The following RPL7 variants were observed in gnomAD, a reference collection of about 807,000 sequenced individuals.
RPL7 encodes large ribosomal subunit protein uL30.
For synonymous variants in RPL7, 100 were observed against 102.2 expected (o/e 0.98, Z 0.13); for missense variants, 205 against 301.9 (o/e 0.68, Z 2.38).
intron 2 of RPL7, 118 bp from the exon 3 acceptor site, chr8:73,292,523 AT>A: frequency 9.0e-7 from 1 of 1,115,666 alleles, no homozygotes; most frequent in Non-Finnish European, 1.3e-6. Context: ...ACAGTATGCA[AT>A]TACATCCCCC....
chr8:73,293,623 G>C lies in RPL7; in HGVS notation c.-11C>G, dbSNP rs370333348. ...CTCTACACCCTCCATGGTTCCAGCC[G>C]GAAAAAGAGGAAGTTGGCGCATGCG... On this transcript the variant is annotated 5_prime_UTR_variant, in exon 1 of 7. Coordinates refer to ENST00000352983, the MANE Select transcript of RPL7 (RefSeq NM_000971.4). The C allele has an allele frequency of 3.1e-6, 5 of 1,613,492 alleles. No individual in the cohort carries two copies. Among genetic ancestry groups the C allele is most frequent in the Non-Finnish European group, 4.2e-6 (5 of 1,179,748 alleles).
At chr8:73,290,910 T>C (rs995420402) in intron 6 of RPL7, 133 bp downstream of exon 6, 3 of 689,220 alleles carry the variant, frequency 4.4e-6, no homozygotes, top group Non-Finnish European at 7.5e-6. Context: ...ATTAAGATAG[T>C]TGACCCCCAC....
intron 1 of RPL7, 103 bp downstream of exon 1, chr8:73,293,496 T>C (rs111657422): frequency 0.032 from 44,546 of 1,407,520 alleles, 846 homozygotes; most frequent in Non-Finnish European, 0.038. Flanking sequence ...AGCAGGGAGG[T>C]GGGCAAAGGT....
chr8:73,291,689 G>A (rs1339490276), intron 4 of RPL7, 28 bp from the exon 5 acceptor site: 10 of 1,588,678 alleles, frequency 6.3e-6, no homozygotes, highest in Admixed American at 5.1e-5. Context: ...ACATAAATAA[G>A]GTGACCACTG....
In RPL7 at chr8:73,292,278, G is replaced by A. The variant is rs753021081; in HGVS notation, c.251C>T (p.Pro84Leu). 24 of 1,613,088 alleles carry A rather than the reference G, an allele frequency of 1.5e-5. No individual in the cohort carries two copies. The South Asian group carries it at 2.3e-4, about 15-fold the overall frequency. ...MARKAGNFYVPAEPKLAFVIR... is the reference protein window; with the variant it reads ...MARKAGNFYVLAEPKLAFVIR... ...GACAAACGCCAATTTGGGTTCTGCAGGTACATAGAAGTTGCCAGCTTTTCT... is the reference window on the plus strand; with the variant it reads ...GACAAACGCCAATTTGGGTTCTGCAAGTACATAGAAGTTGCCAGCTTTTCT... Residue 84 changes from proline (P) to leucine (L), a missense_variant, in exon 3 of 7, where the codon CCT becomes CTT. Physicochemically the swap from Pro to Leu is moderately conservative, Grantham distance 98. Coordinates refer to ENST00000352983, the MANE Select transcript of RPL7 (RefSeq NM_000971.4).
upstream of RPL7, chr8:73,294,463 G>C (rs1038535128): frequency 2.6e-5 from 4 of 154,024 alleles, no homozygotes; most frequent in East Asian, 1.9e-4. Context: ...CTCCGCGGAC[G>C]GCTGGCGGGC....
At chr8:73,292,042 G>C in intron 3 of RPL7, 132 bp from the exon 4 acceptor site, 1 of 1,296,914 alleles carries the variant, frequency 7.7e-7, no homozygotes, top group South Asian at 1.4e-5. Flanking sequence ...CTGAATTTCT[G>C]TATTCTATTA....
Position 73,291,116 on chromosome 8 carries a change from G to A in RPL7, c.675C>T (p.Thr225=), listed in dbSNP as rs768915707. Residue 225 remains threonine (T), a synonymous_variant, in exon 6 of 7, where the codon ACC becomes ACT. Coordinates refer to ENST00000352983, the MANE Select transcript of RPL7 (RefSeq NM_000971.4). ...CAGCATCTCCACCTTCTACAAAATGGGTGGTCTTTTTCTTCATTCCACCTC... is the reference window on the plus strand; with the variant it reads ...CAGCATCTCCACCTTCTACAAAATGAGTGGTCTTTTTCTTCATTCCACCTC... The part of the protein sequence containing the change: ...SPRGGMKKKT[T]HFVEGGDAGN... 1.9e-6 allele frequency: 3 copies of A among 1,608,128 alleles called. No individual in the cohort carries two copies. The highest frequency in any genetic ancestry group is 1.7e-5 in the Admixed American group (1 of 59,942).
At chr8:73,293,818 C>T, upstream of RPL7, 1 of 596,042 alleles carries the variant, frequency 1.7e-6, no homozygotes. Flanking sequence ...AAAATATATG[C>T]ATTTGATTAG....
At chr8:73,291,723 G>C in intron 4 of RPL7, 50 bp downstream of exon 4, 1 of 1,590,530 alleles carries the variant, frequency 6.3e-7, no homozygotes, top group Non-Finnish European at 8.6e-7. Flanking sequence ...AATTCATGTT[G>C]CTACATAACC....
upstream of RPL7, chr8:73,293,639 G>A (rs372356152): frequency 1.7e-5 from 28 of 1,613,348 alleles, no homozygotes; most frequent in Admixed American, 2.2e-4. Context: ...AGAGGAAGTT[G>A]GCGCATGCGT....
intron 1 of RPL7, 184 bp downstream of exon 1, chr8:73,293,415 C>T: frequency 1.5e-6 from 1 of 654,570 alleles, no homozygotes; most frequent in South Asian, 1.9e-5. Flanking sequence ...TCCAAAACCT[C>T]CGTCCTAAGA....
chr8:73,293,133 C>T, intron 1 of RPL7: 2 of 263,736 alleles, frequency 7.6e-6, no homozygotes, highest in Non-Finnish European at 7.1e-6. Context: ...AGCTGAAAGA[C>T]TACTGCAAGG....
At chr8:73,293,811 A>G (rs1814176001), upstream of RPL7, 1 of 615,854 alleles carries the variant, frequency 1.6e-6, no homozygotes, top group South Asian at 1.9e-5. Flanking sequence ...TTTGAAGAAA[A>G]TATATGCATT....
At position 73,292,774 on chromosome 8, in the gene RPL7, G is replaced by A. The variant is rs903389745; in HGVS notation, c.38C>T (p.Ala13Val). 1.9e-6 allele frequency: 3 copies of A among 1,611,882 alleles called. No homozygotes were observed. Among genetic ancestry groups the A allele is most frequent in the Non-Finnish European group, 8.5e-7 (1 of 1,179,212 alleles). Residue 13 changes from alanine (A) to valine (V), a missense_variant, in exon 2 of 7, where the codon GCT becomes GTT. Transcript: ENST00000352983. ...GVEEKKKEVP[A>V]VPETLKKKRR... ...CTTTTTCTTAAGGGTTTCTGGCACA[G>A]CAGGAACCTCCTTCTTCTTCTCTCT...
chr8:73,292,916 C>T (rs966238234), intron 1 of RPL7, 119 bp from the exon 2 acceptor site: 2 of 678,210 alleles, frequency 2.9e-6, no homozygotes, highest in Non-Finnish European at 5.0e-6. Flanking sequence ...TCACTAGTAA[C>T]TTTACTTGCT....
intron 3 of RPL7, 148 bp from the exon 4 acceptor site, chr8:73,292,058 AG>A: frequency 1.6e-6 from 2 of 1,226,542 alleles, no homozygotes; most frequent in Non-Finnish European, 1.1e-6. Flanking sequence ...TATTAAGAGA[AG>A]GGATAGGAGC....
rs1207770275 is a variant in RPL7, at chr8:73,290,492, T to C, written c.*215A>G. On this transcript the variant is annotated 3_prime_UTR_variant, in exon 7 of 7. Coordinates refer to ENST00000352983, the MANE Select transcript of RPL7 (RefSeq NM_000971.4). ...AAAAGCCTTTTAAAAACCCAAGAGA[T>C]GTCTTTCACACAGACTCGACCCTGA... The C allele has an allele frequency of 6.6e-6, 1 of 152,466 alleles. No homozygotes were observed. The highest frequency in any genetic ancestry group is 1.5e-5 in the Non-Finnish European group (1 of 68,258). 9.4% of individuals were successfully genotyped at this position (152,466 alleles called of 1,614,324 possible). A position where few individuals can be genotyped will look rare whatever the true frequency, so the allele number is the denominator to read the frequency against.
In RPL7 at chr8:73,292,314, G is replaced by A. The variant is rs1186721777; in HGVS notation, c.215C>T (p.Ala72Val). The A allele has an allele frequency of 6.8e-6, 11 of 1,608,744 alleles. No individual in the cohort carries two copies. Among genetic ancestry groups the A allele is most frequent in the Non-Finnish European group, 9.3e-6 (11 of 1,178,308 alleles). ...GTTGCCAGCTTTTCTTGCCATCCTC[G>A]CCATTCGAATTTCAGTTCTGTACAT... The part of the protein sequence containing the change: ...RQMYRTEIRM[A>V]RMARKAGNFY... The change falls in exon 3 of 7, where the codon GCG becomes GTG. Residue 72 changes from alanine (A) to valine (V), a missense_variant. By Grantham distance (64) the Ala-to-Val change is moderately conservative (BLOSUM62 0). Coordinates refer to ENST00000352983, the MANE Select transcript of RPL7 (RefSeq NM_000971.4).
Sources: allele counts gnomAD v4.1 joint callset, GRCh38; gene constraint gnomAD v4.1.1; transcripts MANE v1.5; gene names NCBI Gene and HGNC (gene_info 2026-07-23, HGNC 2026-07-21).